The following TOP3B variants were observed in gnomAD, a reference collection of about 807,000 sequenced individuals.
TOP3B encodes the protein DNA topoisomerase III beta.
Under a neutral mutation model 93.9 loss-of-function variants are expected in TOP3B, and 45 were observed. That is an observed-to-expected ratio of 0.48 (90% CI 0.38 to 0.61). The LOEUF is 0.61. TOP3B is among the 20% of genes least tolerant of loss of function. The probability of loss-of-function intolerance (pLI) is 0.00; values close to 1 mark genes in which losing one functional copy is unlikely to be tolerated. For synonymous variants in TOP3B, 357 were observed against 472.6 expected, an observed-to-expected ratio of 0.76 and a Z score of 3.17; for missense variants, 750 against 1,156.1, an observed-to-expected ratio of 0.65 and a Z score of 5.09.
chr22:21,957,288 G>A lies in TOP3B; in HGVS notation c.2415C>T (p.Pro805=), dbSNP rs765129084. The part of the protein sequence containing the change: ...TQHMGCVFCD[P]VFQELVELKH... ...TCAGCTCCACCAGCTCCTGGAAGAC[G>A]GGGTCACAAAAGACGCAGCCCATGT... The change falls in exon 18 of 18, where the codon CCC becomes CCT. Residue 805 remains proline (P), a synonymous_variant. Coordinates refer to ENST00000357179, the MANE Select transcript of TOP3B (RefSeq NM_001282112.2). The A allele has an allele frequency of 5.6e-6, 9 of 1,600,374 alleles. No individual in the cohort carries two copies. The highest frequency in any genetic ancestry group is 4.5e-5 in the South Asian group (4 of 89,546).
intron 7 of TOP3B, 74 bp downstream of exon 7, chr22:21,968,545 T>C: frequency 6.3e-7 from 1 of 1,582,872 alleles, no homozygotes; most frequent in South Asian, 1.1e-5. Context: ...TGCCGGCTGA[T>C]GATGATGGAA....
At chr22:21,962,997 G>A (rs762971087) in intron 11 of TOP3B, 104 bp from the exon 12 acceptor site, 10 of 1,399,158 alleles carry the variant, frequency 7.1e-6, no homozygotes, top group East Asian at 4.8e-5. Flanking sequence ...TTACAGAGCC[G>A]CTGTGCAGGA....
At chr22:21,960,170 C>T in intron 14 of TOP3B, 151 bp downstream of exon 14, 1 of 1,214,950 alleles carries the variant, frequency 8.2e-7, no homozygotes, top group Non-Finnish European at 1.2e-6. Context: ...GGTCCTGGGG[C>T]AGCACCCCTT....
At position 21,968,828 on chromosome 22, in the gene TOP3B, T is replaced by C. The variant is rs1405827143; in HGVS notation, c.582-53A>G. The C allele has an allele frequency of 3.7e-6, 6 of 1,600,366 alleles. No homozygotes were observed. The African/African-American group carries it at 4.0e-5, about 11-fold the overall frequency. On this transcript the variant is annotated intron_variant, in intron 6 of 17. Transcript: ENST00000357179. ...CACTGATTCACTCAAGACACTATTA[T>C]GGCCACCCATGTGAGTCCAGCCCAA...
chr22:21,972,680 G>A lies in TOP3B; in HGVS notation c.241C>T (p.Leu81=). The A allele has an allele frequency of 6.2e-7, 1 of 1,614,002 alleles. No homozygotes were observed. Among genetic ancestry groups the A allele is most frequent in the Non-Finnish European group, 8.5e-7 (1 of 1,179,982 alleles). ...NKWDKVDPAE[L]FSQAPTEKKE... ...TTCTCCGTGGGAGCTTGGCTGAACA[G>A]TTCTGCGGGGTCCACTTTGTCCCAT... The change falls in exon 4 of 18, where the codon CTG becomes TTG. Residue 81 remains leucine, a synonymous_variant. Transcript: ENST00000357179.
chr22:21,967,875 G>A (rs1399593908), intron 7 of TOP3B, 159 bp from the exon 8 acceptor site: 2 of 603,836 alleles, frequency 3.3e-6, no homozygotes, highest in Middle Eastern at 2.9e-4. Context: ...GGGCAGATAC[G>A]CAAGCTGACA....
Position 21,962,819 on chromosome 22 carries a change from G to A in TOP3B, c.1279C>T (p.Leu427=), listed in dbSNP as rs1303241006. The change falls in exon 12 of 18, where the codon CTG becomes TTG. Residue 427 remains leucine, a synonymous_variant. Transcript: ENST00000357179. ...ATTCTGAAGGAGATGGTGCTCTGCAGGTACTTGCAGTCATGGCTGACCGTG... is the reference window on the plus strand; with the variant it reads ...ATTCTGAAGGAGATGGTGCTCTGCAAGTACTTGCAGTCATGGCTGACCGTG... The part of the protein sequence containing the change: ...IATVSHDCKY[L]QSTISFRIGP... The A allele has an allele frequency of 5.0e-6, 8 of 1,614,020 alleles. No homozygotes were observed. The highest frequency in any genetic ancestry group is 1.3e-5 in the African/African-American group (1 of 74,926).
rs372919163 is a variant in TOP3B, at chr22:21,959,093, G to T, written c.1905+39C>A. 1.6e-5 allele frequency: 25 copies of T among 1,610,220 alleles called. No individual in the cohort carries two copies. In the Admixed American group the frequency reaches 2.2e-4, roughly 14 times the overall value. On this transcript the variant is annotated intron_variant, in intron 16 of 17. Coordinates refer to ENST00000357179, the MANE Select transcript of TOP3B (RefSeq NM_001282112.2). ...AACGATAAAGCTGAGGCCTACAGGG[G>T]TGAGGCAGCTTGCCTGAGCTAGTGT...
chr22:21,962,985 G>A, intron 11 of TOP3B, 92 bp from the exon 12 acceptor site: 3 of 1,481,844 alleles, frequency 2.0e-6, no homozygotes, highest in South Asian at 2.4e-5. Context: ...GCAAGCTCCT[G>A]CTTACAGAGC....
chr22:21,968,952 T>C, intron 6 of TOP3B, 177 bp from the exon 7 acceptor site: 1 of 621,122 alleles, frequency 1.6e-6, no homozygotes, highest in East Asian at 2.8e-5. Flanking sequence ...GATTCATGTG[T>C]GTACATGGGT....
Position 21,963,864 on chromosome 22 carries a change from C to T in TOP3B, c.1204+59G>A, listed in dbSNP as rs1227404297. 8.3e-6 allele frequency: 13 copies of T among 1,569,470 alleles called. No homozygotes were observed. In the African/African-American group the frequency reaches 1.8e-4, roughly 21 times the overall value. On this transcript the variant is annotated intron_variant, in intron 11 of 17. Coordinates refer to ENST00000357179, the MANE Select transcript of TOP3B (RefSeq NM_001282112.2). The surrounding 1 kb of genome is among the most constrained non-coding windows in gnomAD (Gnocchi z 4.8). ...TTGCCAACAGGGCCTGCAACCTTCA[C>T]TGTCGCAGCTCGCCCTTCCCTCCCT... is the stretch of plus-strand genomic sequence containing the variant.
Position 21,962,874 on chromosome 22 carries a change from G to C in TOP3B, c.1224C>G (p.Leu408=), listed in dbSNP as rs769586749. ...TGAAGTGTCTGGTGATGTACTCATA[G>C]AGCCGCCACGCGTCACCCCCTGCAA... ...EAELGGDAWR[L]YEYITRHFIA... is the part of the protein sequence containing the mutation. The change falls in exon 12 of 18, where the codon CTC becomes CTG. Residue 408 remains leucine, a synonymous_variant. Coordinates refer to ENST00000357179, the MANE Select transcript of TOP3B (RefSeq NM_001282112.2). The C allele has an allele frequency of 7.4e-6, 12 of 1,613,504 alleles. 1 individual carries two copies. In the South Asian group the frequency reaches 9.9e-5, roughly 13 times the overall value.
rs758946327 is a variant in TOP3B at position 21,975,718 on chromosome 22, G to A, written c.-9C>T. On this transcript the variant is annotated 5_prime_UTR_variant, in exon 2 of 18. Transcript: ENST00000357179. ...ATGAGCACAGTCTTCATTTTGTCTC[G>A]GTCCTTCACACTCCAGTTTCGGGGC... The A allele has an allele frequency of 5.0e-6, 8 of 1,603,858 alleles. No individual in the cohort carries two copies. The highest frequency in any genetic ancestry group is 2.2e-5 in the South Asian group (2 of 90,528).
At position 21,972,508 on chromosome 22, in the gene TOP3B, C is replaced by A. The variant is rs192710065; in HGVS notation, c.309+104G>T. On this transcript the variant is annotated intron_variant, in intron 4 of 17. Transcript: ENST00000357179. ...CACAGAAAAAGCTAGCAAAGGCCCC[C>A]CTGTCCAAGGGGGATTAGGACTCAA... 1.6e-5 allele frequency: 14 copies of A among 866,644 alleles called. No individual in the cohort carries two copies. In the Admixed American group the frequency reaches 4.0e-4, roughly 25 times the overall value. 53.7% of individuals were successfully genotyped at this position (866,644 alleles called of 1,614,324 possible).
chr22:21,962,951 GC>G lies in TOP3B; in HGVS notation c.1205-59del. On this transcript the variant is annotated intron_variant, in intron 11 of 17. Coordinates refer to ENST00000357179, the MANE Select transcript of TOP3B (RefSeq NM_001282112.2). ...CAGCTGGGGGCTCTGGCCGTGAGGA[GC>G]CCCCAGTACTCTCGCTCGAGCAGCA... is the stretch of plus-strand genomic sequence containing the variant. 1.9e-6 allele frequency: 3 copies of G among 1,595,690 alleles called. No individual in the cohort carries two copies. In the South Asian group the frequency reaches 3.3e-5, roughly 18 times the overall value.
intron 4 of TOP3B, chr22:21,972,292 C>T: frequency 2.2e-6 from 1 of 456,076 alleles, no homozygotes; most frequent in South Asian, 3.9e-5. Context: ...TTCTGTCTTT[C>T]TACTTATCTG....
intron 13 of TOP3B, chr22:21,960,813 C>T (rs1335976990): frequency 1.2e-5 from 3 of 259,894 alleles, no homozygotes; most frequent in South Asian, 4.7e-5. Context: ...CCACCTGCTC[C>T]CGGAGCCAGA....
Position 21,972,082 on chromosome 22 carries a change from T to A in TOP3B, c.310-131A>T. Reference sequence around the variant, plus strand: ...CAGTTAGGAGGACTGGTACCTGGGCTGGGTAAGGAGCTGGCTGTGTTGAGG... The same window carrying A: ...CAGTTAGGAGGACTGGTACCTGGGCAGGGTAAGGAGCTGGCTGTGTTGAGG... On this transcript the variant is annotated intron_variant, in intron 4 of 17. Transcript: ENST00000357179. 5.8e-6 allele frequency: 4 copies of A among 694,140 alleles called. No individual in the cohort carries two copies. The South Asian group carries it at 7.7e-5, about 13-fold the overall frequency. 43.0% of individuals were successfully genotyped at this position (694,140 alleles called of 1,614,324 possible). A position where few individuals can be genotyped will look rare whatever the true frequency, so the allele number is the denominator to read the frequency against.
rs1209221665 is a variant in TOP3B at position 21,957,680 on chromosome 22, GGATCCCTC to G, written c.2108-93_2108-86del. On this transcript the variant is annotated intron_variant, in intron 17 of 17. Transcript: ENST00000357179. ...CCTGCTCCCAATGCCTCAAGCTCCTGGATCCCTCGTCCCAGCAGAAGGAACTCTTCTTG... is the reference window on the plus strand; with the variant it reads ...CCTGCTCCCAATGCCTCAAGCTCCTGGTCCCAGCAGAAGGAACTCTTCTTG... The G allele has an allele frequency of 6.4e-6, 9 of 1,398,868 alleles. No individual in the cohort carries two copies. In the African/African-American group the frequency reaches 1.2e-4, roughly 19 times the overall value. The allele number at this position is 1,398,868 out of a possible 1,614,324, so 86.7% of individuals were successfully genotyped here.
Sources: gnomAD v4.1 joint callset for allele counts on GRCh38, gnomAD v4.1.1 for gene constraint, Gnocchi (gnomAD v3.1) non-coding constraint, MANE v1.5 for transcripts, NCBI Gene and HGNC (gene_info 2026-07-23, HGNC 2026-07-21) for gene names.